Variants in UGT1A8 observed in about 807,000 individuals in gnomAD.
UGT1A8 encodes the protein UDP-glucuronosyltransferase 1A8.
A neutral mutation model predicts 45.3 loss-of-function variants in UGT1A8; 39 were observed. The ratio of observed to expected loss-of-function variants is 0.86; its 90% confidence interval spans 0.67 to 1.12. The LOEUF (loss-of-function observed/expected upper bound fraction) is 1.12. Among genes scored for constraint, UGT1A8 ranks in the 50% most tolerant of loss-of-function variants. The pLI is 0.00. For synonymous variants in UGT1A8, 275 were observed against 249.2 expected (o/e 1.10, Z -0.97); for missense variants, 719 against 664.9 (o/e 1.08, Z -0.90).
At chr2:233,678,785 G>A (rs1460074279) in intron 1 of UGT1A8, among the ~76,000 whole-genome samples, 1 of 152,020 alleles carries the variant, frequency 6.6e-6, no homozygotes, top group African/African-American at 2.4e-5. Flanking sequence ...CCCTGAGTGT[G>A]GCATCTATTG....
At chr2:233,632,224 T>A (rs1390332220) in intron 1 of UGT1A8, among the ~76,000 whole-genome samples, 1 of 152,206 alleles carries the variant, frequency 6.6e-6, no homozygotes, top group Non-Finnish European at 1.5e-5. Context: ...ACCATGCTGT[T>A]TTTGTTACTG....
intron 1 of UGT1A8, among the ~76,000 whole-genome samples, chr2:233,687,020 T>A (rs551595106): frequency 2.6e-5 from 4 of 152,192 alleles, no homozygotes; most frequent in Admixed American, 1.3e-4. Context: ...CTTTAGGAGG[T>A]GGTTCAATGT....
chr2:233,693,588 G>T, intron 1 of UGT1A8: 1 of 1,614,206 alleles, frequency 6.2e-7, no homozygotes, highest in Non-Finnish European at 8.5e-7. Context: ...ATTCCCAGGT[G>T]CTACACAAAG....
At chr2:233,719,076 C>A (rs2076722760) in intron 1 of UGT1A8, 1 of 1,614,264 alleles carries the variant, frequency 6.2e-7, no homozygotes, top group East Asian at 2.2e-5. Context: ...TCCATGGACC[C>A]AGAAGGAATT....
chr2:233,742,497 T>C (rs1691999391), intron 1 of UGT1A8, among the ~76,000 whole-genome samples: 1 of 151,968 alleles, frequency 6.6e-6, no homozygotes, highest in Non-Finnish European at 1.5e-5. Flanking sequence ...ATAGGCATCA[T>C]GGCTATCATG....
At chr2:233,737,324 G>A (rs1000160542) in intron 1 of UGT1A8, among the ~76,000 whole-genome samples, 2 of 152,246 alleles carry the variant, frequency 1.3e-5, no homozygotes, top group Non-Finnish European at 2.9e-5. Context: ...TGCTGCACTA[G>A]CAGTGAGCAA....
chr2:233,746,004 G>A (rs1693275700), intron 1 of UGT1A8, among the ~76,000 whole-genome samples: 1 of 151,648 alleles, frequency 6.6e-6, no homozygotes, highest in Non-Finnish European at 1.5e-5. Context: ...GAGAGACAGT[G>A]GTAGAAACAT....
At chr2:233,713,310 C>T (rs1177829865) in intron 1 of UGT1A8, 1 of 1,614,216 alleles carries the variant, frequency 6.2e-7, no homozygotes, top group South Asian at 1.1e-5. Context: ...AGAACATCTT[C>T]TGATGAAATT....
intron 1 of UGT1A8, among the ~76,000 whole-genome samples, chr2:233,731,847 G>C (rs1360054279): frequency 1.3e-4 from 20 of 152,190 alleles, no homozygotes; most frequent in Non-Finnish European, 7.3e-5. Flanking sequence ...CTAGGTCCTT[G>C]AGGAATCGCC....
At chr2:233,760,285 G>T (rs376515645) in intron 1 of UGT1A8, 112 of 1,612,816 alleles carry the variant, frequency 6.9e-5, no homozygotes, top group Non-Finnish European at 8.9e-5. Flanking sequence ...GAGCAAAGGC[G>T]CCATGGCTGT....
intron 1 of UGT1A8, chr2:233,717,837 C>A (rs761149385): frequency 2.4e-5 from 11 of 455,250 alleles, no homozygotes; most frequent in South Asian, 1.7e-4. Context: ...CTGGAGGAAC[C>A]ATTCTTATCA....
chr2:233,724,604 G>A (rs1340979109), intron 1 of UGT1A8, among the ~76,000 whole-genome samples: 2 of 132,722 alleles, frequency 1.5e-5, no homozygotes, highest in Non-Finnish European at 3.2e-5. Flanking sequence ...GACGATGGGC[G>A]GCCGGGCAGA....
At chr2:233,755,001 A>C (rs1350785885) in intron 1 of UGT1A8, 1 of 1,292,842 alleles carries the variant, frequency 7.7e-7, no homozygotes, top group African/African-American at 1.5e-5. Flanking sequence ...GAAGCTGAAG[A>C]CCTACTCGAA....
chr2:233,761,040 A>G (rs1426136333), intron 1 of UGT1A8: 5 of 1,614,140 alleles, frequency 3.1e-6, no homozygotes, highest in Non-Finnish European at 4.2e-6. Context: ...TGAGCTCTGC[A>G]TCTGTCTGGC....
chr2:233,763,154 G>A (rs1698249397), intron 1 of UGT1A8, among the ~76,000 whole-genome samples: 1 of 152,232 alleles, frequency 6.6e-6, no homozygotes, highest in Non-Finnish European at 1.5e-5. Flanking sequence ...AAAAGTCTAA[G>A]TGGTGAACTG....
intron 1 of UGT1A8, chr2:233,690,424 A>G: frequency 4.8e-6 from 6 of 1,244,126 alleles, no homozygotes; most frequent in Non-Finnish European, 6.3e-6. Flanking sequence ...ACCTTCATGC[A>G]CATCTTTGGG....
chr2:233,764,393 C>G (rs1698551622), intron 1 of UGT1A8, among the ~76,000 whole-genome samples: 7 of 152,218 alleles, frequency 4.6e-5, no homozygotes. Context: ...GCCGTGATGA[C>G]AACTTCTCTG....
chr2:233,669,266 T>C (rs2125498093), intron 1 of UGT1A8, among the ~76,000 whole-genome samples: 1 of 150,510 alleles, frequency 6.6e-6, no homozygotes, highest in South Asian at 2.1e-4. Context: ...TTTTTTTTTC[T>C]ATTTTTTAAA....
intron 1 of UGT1A8, among the ~76,000 whole-genome samples, chr2:233,645,753 G>A (rs1028849000): frequency 2.6e-5 from 4 of 152,222 alleles, no homozygotes; most frequent in African/African-American, 7.2e-5. Flanking sequence ...GCAGGGTACA[G>A]CCTCCCTTCC....
Sources: allele counts gnomAD v4.1 joint callset (sites outside exome capture counted in the v4.1 genomes callset), GRCh38; gene constraint gnomAD v4.1.1; transcripts MANE v1.5; gene names NCBI Gene and HGNC (gene_info 2026-07-23, HGNC 2026-07-21).